Variants in ZNF546 observed in about 807,000 individuals in gnomAD.
The protein encoded by ZNF546 is zinc finger protein 546, also known as CTC-471F3.6.
Under a neutral mutation model 76.2 loss-of-function variants are expected in ZNF546, and 60 were observed. The ratio of observed to expected loss-of-function variants is 0.79; its 90% CI spans 0.64 to 0.98. The LOEUF (loss-of-function observed/expected upper bound fraction) is 0.98. Among genes scored for constraint, ZNF546 ranks in the 50% least tolerant of loss-of-function variants. The pLI is 0.00. For missense variants in ZNF546, 936 were observed against 1,035.6 expected, an observed-to-expected ratio of 0.90 and a Z score of 1.32; for synonymous variants, 277 against 328.1, an observed-to-expected ratio of 0.84 and a Z score of 1.68.
At chr19:39,999,959 C>G (rs991823359) in intron 3 of ZNF546, 1 of 152,174 alleles carries the variant, frequency 6.6e-6, no homozygotes, top group South Asian at 2.1e-4. Flanking sequence ...TTTCTTCCTG[C>G]AGAATAGAAA....
chr19:39,998,550 C>A (rs900443583), intron 3 of ZNF546, 140 bp downstream of exon 3: 7 of 696,360 alleles, frequency 1.0e-5, no homozygotes, highest in Non-Finnish European at 1.4e-5. Context: ...TAGAGATGAC[C>A]TGACTAGTGT....
In ZNF546 at chr19:40,015,024, A is replaced by T. The variant is rs2144652149; in HGVS notation, c.1754A>T (p.Glu585Val). The change falls in exon 7 of 7, where the codon GAA (glutamate) becomes GTA (valine). Residue 585 changes from glutamate to valine, a missense_variant. Transcript: ENST00000347077. ...AGTGAGAGCACCTACATATGTAAAGAATGTGGGAAGATTTTTAGTCGTCGC... is the reference window on the plus strand; with the variant it reads ...AGTGAGAGCACCTACATATGTAAAGTATGTGGGAAGATTTTTAGTCGTCGC... ...HTSESTYICKECGKIFSRRYN... is the reference protein window; with the variant it reads ...HTSESTYICKVCGKIFSRRYN... 1 of 1,614,154 alleles carries T rather than the reference A, an allele frequency of 6.2e-7. No homozygotes were observed. The highest frequency in any genetic ancestry group is 2.2e-5 in the East Asian group (1 of 44,872).
chr19:40,010,631 A>G (rs1167406492), intron 6 of ZNF546, among the ~76,000 whole-genome samples: 5 of 152,050 alleles, frequency 3.3e-5, no homozygotes, highest in Non-Finnish European at 5.9e-5. Flanking sequence ...TATCATCCAT[A>G]TATCTTCTTT....
intron 6 of ZNF546, among the ~76,000 whole-genome samples, chr19:40,009,432 A>G (rs1971644097): frequency 6.6e-6 from 1 of 152,232 alleles, no homozygotes; most frequent in South Asian, 2.1e-4. Context: ...AATCATATTT[A>G]TTGAGGTATA....
chr19:40,015,714 T>C lies in ZNF546; in HGVS notation c.2444T>C (p.Ile815Thr). Residue 815 changes from isoleucine (I) to threonine (T), a missense_variant, in exon 7 of 7, where the codon ATT (isoleucine) becomes ACT (threonine). By Grantham distance (89) the Ile-to-Thr change is moderately conservative (BLOSUM62 -1). Transcript: ENST00000347077. ...TGTAAAGAATGTGGAAAAGCCTTTA[T>C]TCGTAGTGATCAACTTACTTTACAT... is the stretch of plus-strand genomic sequence containing the variant. ...YQCKECGKAF[I>T]RSDQLTLHQR... 6.2e-7 allele frequency: 1 copy of C among 1,614,120 alleles called. No individual in the cohort carries two copies. The highest frequency in any genetic ancestry group is 8.5e-7 in the Non-Finnish European group (1 of 1,179,950).
At chr19:40,005,820 G>T (rs77774986) in intron 3 of ZNF546, among the ~76,000 whole-genome samples, 9,310 of 152,216 alleles carry the variant, frequency 0.061, 474 homozygotes, top group East Asian at 0.18. Flanking sequence ...TCTGTTGGAT[G>T]GAGATAAATG....
At chr19:40,011,946 G>T (rs1971676889) in intron 6 of ZNF546, among the ~76,000 whole-genome samples, 1 of 152,140 alleles carries the variant, frequency 6.6e-6, no homozygotes, top group Non-Finnish European at 1.5e-5. Context: ...ACAGGCACTG[G>T]GAGTTAGGAA....
Position 40,009,673 on chromosome 19 carries a change from G to T in ZNF546, c.394+1108G>T, listed in dbSNP as rs551234737. 4.4e-4 allele frequency among the ~76,000 whole-genome samples: 67 copies of T among 152,176 alleles called. 1 individual carries two copies. Among genetic ancestry groups the T allele is most frequent in the South Asian group, 1.7e-3 (8 of 4,806 alleles). Reference sequence around the variant, plus strand: ...CCCTCTCTACCCACTGCCCAGGTAAGCACTGATCATCTCTCTGTCACTATA... The same window carrying T: ...CCCTCTCTACCCACTGCCCAGGTAATCACTGATCATCTCTCTGTCACTATA... On this transcript the variant is annotated intron_variant, in intron 6 of 6. Coordinates refer to ENST00000347077, the MANE Select transcript of ZNF546 (RefSeq NM_178544.5).
intron 3 of ZNF546, among the ~76,000 whole-genome samples, chr19:40,005,079 C>T (rs923746562): frequency 4.8e-5 from 6 of 124,466 alleles, no homozygotes; most frequent in Non-Finnish European, 9.3e-5. Context: ...AGTGCAGTGG[C>T]GCGATTTCAG....
chr19:40,004,073 A>ATG (rs1568384566), intron 3 of ZNF546, among the ~76,000 whole-genome samples: 2 of 127,498 alleles, frequency 1.6e-5, no homozygotes, highest in African/African-American at 8.1e-5. Context: ...TAATATATAA[A>ATG]TATATATATA....
chr19:40,012,561 G>C (rs1282865277), intron 6 of ZNF546, among the ~76,000 whole-genome samples: 1 of 152,016 alleles, frequency 6.6e-6, no homozygotes, highest in African/African-American at 2.4e-5. Flanking sequence ...AATATGTTTG[G>C]GTTTTATTCT....
At chr19:40,003,895 C>T (rs1971562505) in intron 3 of ZNF546, among the ~76,000 whole-genome samples, 1 of 151,440 alleles carries the variant, frequency 6.6e-6, no homozygotes, top group South Asian at 2.1e-4. Context: ...GCCTGTAATC[C>T]CAGCGACTCG....
chr19:40,004,858 C>T (rs959460291), intron 3 of ZNF546, among the ~76,000 whole-genome samples: 1 of 151,978 alleles, frequency 6.6e-6, no homozygotes, highest in East Asian at 1.9e-4. Flanking sequence ...TATTTAATAT[C>T]TACTTAATAT....
chr19:40,014,760 A>G lies in ZNF546; in HGVS notation c.1490A>G (p.Tyr497Cys), dbSNP rs890144457. The G allele has an allele frequency of 7.4e-6, 12 of 1,613,730 alleles. No homozygotes were observed. Among genetic ancestry groups the G allele is most frequent in the Non-Finnish European group, 9.3e-6 (11 of 1,180,024 alleles). ...HLRTHTGEIP[Y>C]ECKECGKTFS... ...AGAACTCACACCGGTGAGATTCCCT[A>G]TGAATGTAAGGAATGTGGAAAAACC... Residue 497 changes from tyrosine (Y) to cysteine (C), a missense_variant, in exon 7 of 7, where the codon TAT (tyrosine) becomes TGT (cysteine). Physicochemically the swap from Tyr to Cys is radical, Grantham distance 194. Coordinates refer to ENST00000347077, the MANE Select transcript of ZNF546 (RefSeq NM_178544.5).
At chr19:40,012,812 C>T (rs73547638) in intron 6 of ZNF546, among the ~76,000 whole-genome samples, 9,206 of 151,124 alleles carry the variant, frequency 0.061, 471 homozygotes, top group East Asian at 0.18. Context: ...CCTATTTTAC[C>T]ATTCTTTTTT....
chr19:40,000,442 G>A (rs888704830), intron 3 of ZNF546, among the ~76,000 whole-genome samples: 2 of 151,888 alleles, frequency 1.3e-5, no homozygotes, highest in East Asian at 1.9e-4. Flanking sequence ...GGACAAGATG[G>A]TGGAACCCCA....
At position 40,015,161 on chromosome 19, in the gene ZNF546, C is replaced by T; in HGVS notation, c.1891C>T (p.His631Tyr). 2 of 1,614,114 alleles carry T rather than the reference C, an allele frequency of 1.2e-6. No homozygotes were observed. The highest frequency in any genetic ancestry group is 1.7e-6 in the Non-Finnish European group (2 of 1,180,028). ...QTELTQHHRI[H>Y]TGEKPYKCTE... ...AGAACTTACTCAGCATCACAGAATT[C>T]ATACTGGTGAAAAACCCTATAAATG... The change falls in exon 7 of 7, where the codon CAT becomes TAT. Residue 631 changes from histidine to tyrosine, a missense_variant. Coordinates refer to ENST00000347077, the MANE Select transcript of ZNF546 (RefSeq NM_178544.5).
In ZNF546 at chr19:40,005,919, C is replaced by T. The variant is rs544131096; in HGVS notation, c.85-177C>T. ...ACTTTTGTTGTCATCACCTGGCAAC[C>T]GTGGGCATGAATTTACACCACCCCA... is the stretch of plus-strand genomic sequence containing the variant. On this transcript the variant is annotated intron_variant, in intron 3 of 6. Coordinates refer to ENST00000347077, the MANE Select transcript of ZNF546 (RefSeq NM_178544.5). Among the ~76,000 whole-genome samples the T allele has an allele frequency of 6.6e-5, 10 of 152,220 alleles. No homozygotes were observed. The South Asian group carries it at 1.0e-3, about 16-fold the overall frequency.
rs1971789140 is a variant in ZNF546, at chr19:40,017,573, C to T, written c.*1792C>T. On this transcript the variant is annotated 3_prime_UTR_variant, in exon 7 of 7. Transcript: ENST00000347077. Reference sequence around the variant, plus strand: ...TAACAATTGTCCAACCTGTCTGTGCCCCAGGGCAGCTTTGAATGCAGTCCA... The same window carrying T: ...TAACAATTGTCCAACCTGTCTGTGCTCCAGGGCAGCTTTGAATGCAGTCCA... 6.6e-6 allele frequency: 1 copy of T among 152,118 alleles called. No homozygotes were observed. The highest frequency in any genetic ancestry group is 6.5e-5 in the Admixed American group (1 of 15,280). The allele number at this position is 152,118 out of a possible 1,614,324, so 9.4% of individuals were successfully genotyped here. A position where few individuals can be genotyped will look rare whatever the true frequency, so the allele number is the denominator to read the frequency against.
Sources: gnomAD v4.1 joint callset for allele counts (sites outside exome capture counted in the v4.1 genomes callset) on GRCh38, gnomAD v4.1.1 for gene constraint, MANE v1.5 for transcripts, NCBI Gene and HGNC (gene_info 2026-07-23, HGNC 2026-07-21) for gene names.